The following FECH variants were observed in gnomAD, a reference collection of about 807,000 sequenced individuals.
The protein encoded by FECH is ferrochelatase, mitochondrial.
Under a neutral mutation model 56.9 loss-of-function variants are expected in FECH, and 40 were observed. The ratio of observed to expected loss-of-function variants is 0.70; its 90% CI spans 0.55 to 0.92. The LOEUF is 0.92. FECH is among the 40% of genes least tolerant of loss of function. FECH has a pLI of 0.00. For missense variants in FECH, 431 were observed against 529.1 expected (o/e 0.81, Z 1.82); for synonymous variants, 175 against 198.6 (o/e 0.88, Z 1.00).
chr18:57,559,928 C>T (rs986992146), intron 6 of FECH, among the ~76,000 whole-genome samples: 3 of 152,152 alleles, frequency 2.0e-5, no homozygotes, highest in Non-Finnish European at 4.4e-5. Context: ...TCCACCAGAC[C>T]AGGGAGCTCC....
Position 57,554,359 on chromosome 18 carries a change from C to A in FECH, c.978G>T (p.Gly326=), listed in dbSNP as rs1192896758. The change falls in exon 9 of 11, where the codon GGG becomes GGT. Residue 326 remains glycine, a synonymous_variant. Coordinates refer to ENST00000262093, the MANE Select transcript of FECH (RefSeq NM_000140.5). ...TCGGAACCAAGAGGATATTCTTCCT[C>A]CCCCTCTCACAAAGCCCTTTGATAG... ...DESIKGLCER[G]RKNILLVPIA... 1.9e-6 allele frequency: 3 copies of A among 1,614,184 alleles called. No homozygotes were observed. In the Admixed American group the frequency reaches 5.0e-5, roughly 27 times the overall value.
At chr18:57,561,531 G>A (rs1381420256) in intron 6 of FECH, among the ~76,000 whole-genome samples, 5 of 152,136 alleles carry the variant, frequency 3.3e-5, no homozygotes, top group Non-Finnish European at 7.4e-5. Context: ...GAATGAAAGA[G>A]GCACCGAGCC....
At chr18:57,582,593 G>A (rs555927321) in intron 1 of FECH, among the ~76,000 whole-genome samples, 2 of 150,250 alleles carry the variant, frequency 1.3e-5, no homozygotes, top group Admixed American at 6.6e-5. Flanking sequence ...CAAGACCCTC[G>A]TTTCTACACA....
At chr18:57,583,216 A>C (rs771870539) in intron 1 of FECH, among the ~76,000 whole-genome samples, 10 of 152,192 alleles carry the variant, frequency 6.6e-5, no homozygotes, top group Non-Finnish European at 1.2e-4. Flanking sequence ...CCTACCAAAC[A>C]ATTAGCATTC....
intron 7 of FECH, among the ~76,000 whole-genome samples, chr18:57,556,145 A>G (rs77874971): frequency 0.018 from 2,790 of 152,196 alleles, 43 homozygotes; most frequent in East Asian, 0.092. Context: ...AAAAAATTAT[A>G]TATATATACT....
At chr18:57,581,863 T>C (rs2122364436) in intron 1 of FECH, among the ~76,000 whole-genome samples, 1 of 152,304 alleles carries the variant, frequency 6.6e-6, no homozygotes, top group South Asian at 2.1e-4. Flanking sequence ...CTCCAGGCCA[T>C]TAGATTTCCA....
chr18:57,582,347 T>C (rs563385343), intron 1 of FECH, among the ~76,000 whole-genome samples: 205 of 149,568 alleles, frequency 1.4e-3, no homozygotes, highest in South Asian at 2.5e-3. Flanking sequence ...GAATGCTCAA[T>C]CTGTAAGTAA....
At chr18:57,562,699 T>G (rs1266237696) in intron 6 of FECH, among the ~76,000 whole-genome samples, 175 bp downstream of exon 6, 1 of 152,252 alleles carries the variant, frequency 6.6e-6, no homozygotes, top group Non-Finnish European at 1.5e-5. Context: ...AATCTTTAAA[T>G]GTATTTTCTC....
chr18:57,560,159 T>A (rs894143607), intron 6 of FECH, among the ~76,000 whole-genome samples: 4 of 152,244 alleles, frequency 2.6e-5, no homozygotes, highest in Non-Finnish European at 5.9e-5. Flanking sequence ...AATGTTGTAT[T>A]GTGGTTATGT....
Position 57,575,414 on chromosome 18 carries a change from A to G in FECH, c.195-2049T>C, listed in dbSNP as rs749017070. Among the ~76,000 whole-genome samples, 10 of 152,206 alleles carry G rather than the reference A, an allele frequency of 6.6e-5. 1 individual carries two copies. The highest frequency in any genetic ancestry group is 6.5e-4 in the Admixed American group (10 of 15,274). On this transcript the variant is annotated intron_variant, in intron 2 of 10. Transcript: ENST00000262093. ...AGAGAAACATTCTTTATGTGCTCGA[A>G]AACTAAAGATACTATGATGACATCT...
intron 4 of FECH, among the ~76,000 whole-genome samples, 157 bp downstream of exon 4, chr18:57,571,235 G>A (rs763064242): frequency 3.3e-5 from 5 of 152,162 alleles, no homozygotes; most frequent in Non-Finnish European, 7.3e-5. Flanking sequence ...AAGGGATAAC[G>A]CCTGGAGACC....
rs577225269 is a variant in FECH at position 57,544,509 on chromosome 18, C to A, written c.*6203G>T. On this transcript the variant is annotated 3_prime_UTR_variant, in exon 11 of 11. Coordinates refer to ENST00000262093, the MANE Select transcript of FECH (RefSeq NM_000140.5). ...ATAGTCAATTCATTCTCAGAGAATGCTTTTGTTGATGTTTACCAAGCTCTC... is the reference window on the plus strand; with the variant it reads ...ATAGTCAATTCATTCTCAGAGAATGATTTTGTTGATGTTTACCAAGCTCTC... 6.6e-6 allele frequency among the ~76,000 whole-genome samples: 1 copy of A among 152,210 alleles called. No homozygotes were observed.
intron 1 of FECH, among the ~76,000 whole-genome samples, chr18:57,584,345 A>AAAAT (rs1555682015): frequency 2.0e-5 from 3 of 150,104 alleles, no homozygotes; most frequent in African/African-American, 7.3e-5. Context: ...AAAAAAAAAA[A>AAAAT]CTCTCAAAAA....
intron 3 of FECH, among the ~76,000 whole-genome samples, chr18:57,571,871 G>A (rs755358705): frequency 6.6e-6 from 1 of 152,166 alleles, no homozygotes; most frequent in African/African-American, 2.4e-5. Flanking sequence ...CACACCTAAC[G>A]AGAACTAGGA....
At chr18:57,563,951 T>C (rs1598993206) in intron 5 of FECH, among the ~76,000 whole-genome samples, 1 of 152,320 alleles carries the variant, frequency 6.6e-6, no homozygotes, top group East Asian at 1.9e-4. Flanking sequence ...CGATCTCAGC[T>C]TACCGCAACC....
chr18:57,584,946 G>A (rs2051344220), intron 1 of FECH, among the ~76,000 whole-genome samples: 1 of 148,342 alleles, frequency 6.7e-6, no homozygotes, highest in South Asian at 2.2e-4. Context: ...AGGATTTCAA[G>A]GCTGCAGTGA....
At chr18:57,558,865 G>C (rs573542972) in intron 7 of FECH, among the ~76,000 whole-genome samples, 1 of 152,168 alleles carries the variant, frequency 6.6e-6, no homozygotes, top group South Asian at 2.1e-4. Context: ...AGGTTGCAGT[G>C]AGCCGAGACT....
At chr18:57,564,170 G>A (rs926480528) in intron 5 of FECH, among the ~76,000 whole-genome samples, 2 of 152,154 alleles carry the variant, frequency 1.3e-5, no homozygotes, top group East Asian at 1.9e-4. Flanking sequence ...GAGCCACCGC[G>A]CCCAGCATAA....
At chr18:57,576,921 T>C (rs2051193396) in intron 2 of FECH, among the ~76,000 whole-genome samples, 2 of 152,214 alleles carry the variant, frequency 1.3e-5, no homozygotes, top group African/African-American at 4.8e-5. Flanking sequence ...ATGTTCCGTT[T>C]GTTTGAATAT....
Sources: gnomAD v4.1 joint callset for allele counts (sites outside exome capture counted in the v4.1 genomes callset) on GRCh38, gnomAD v4.1.1 for gene constraint, MANE v1.5 for transcripts, NCBI Gene and HGNC (gene_info 2026-07-23, HGNC 2026-07-21) for gene names.